CRISPLD2: variants seen among roughly 807,000 people sequenced by gnomAD.
CRISPLD2 encodes the protein cysteine rich secretory protein LCCL domain containing 2.
A neutral mutation model predicts 71.1 loss-of-function variants in CRISPLD2; 47 were observed. The observed-to-expected ratio is 0.66, with a 90% CI of 0.52 to 0.84. The LOEUF is 0.84. CRISPLD2 is among the 40% of genes least tolerant of loss of function. The probability of loss-of-function intolerance (pLI) is 0.00; values close to 1 mark genes in which losing one functional copy is unlikely to be tolerated. For synonymous variants in CRISPLD2, 317 were observed against 250.1 expected (o/e 1.27, Z -2.52); for missense variants, 830 against 651.1 (o/e 1.27, Z -2.99).
intron 6 of CRISPLD2, among the ~76,000 whole-genome samples, chr16:84,866,478 C>T (rs572689756): frequency 3.3e-5 from 5 of 152,270 alleles, no homozygotes; most frequent in African/African-American, 4.8e-5. Context: ...TCAGGTGATC[C>T]GCCCACCTCA....
At chr16:84,861,618 T>C (rs887915393) in intron 6 of CRISPLD2, among the ~76,000 whole-genome samples, 1 of 152,010 alleles carries the variant, frequency 6.6e-6, no homozygotes, top group Non-Finnish European at 1.5e-5. Flanking sequence ...CAAATGTTAA[T>C]CTCCTTTGGC....
Position 84,838,433 on chromosome 16 carries a change from C to T in CRISPLD2, c.-63C>T. ...CTGCTTCCTTTCAGAGCTCAAGCGCCCAGCTCTGCCCGAGGAGCCCAGGCT... is the reference window on the plus strand; with the variant it reads ...CTGCTTCCTTTCAGAGCTCAAGCGCTCAGCTCTGCCCGAGGAGCCCAGGCT... On this transcript the variant is annotated 5_prime_UTR_variant, in exon 2 of 15. Transcript: ENST00000262424. The T allele has an allele frequency of 6.4e-7, 1 of 1,572,748 alleles. No individual in the cohort carries two copies. The highest frequency in any genetic ancestry group is 1.2e-5 in the South Asian group (1 of 84,318).
At chr16:84,903,977 G>GAGCGAGGA (rs1239407821) in intron 14 of CRISPLD2, among the ~76,000 whole-genome samples, 8 of 152,230 alleles carry the variant, frequency 5.3e-5, no homozygotes, top group Non-Finnish European at 1.2e-4. Context: ...ATTTGAAGCA[G>GAGCGAGGA]AGCGAGGAAA....
chr16:84,880,810 A>G, intron 13 of CRISPLD2: 1 of 368,908 alleles, frequency 2.7e-6, no homozygotes, highest in Non-Finnish European at 5.0e-6. Flanking sequence ...GGTTCAAACG[A>G]TTCTTGTACC....
At chr16:84,846,154 C>T in intron 3 of CRISPLD2, 1 of 351,524 alleles carries the variant, frequency 2.8e-6, no homozygotes, top group Non-Finnish European at 5.0e-6. Context: ...GGTTTTCCTT[C>T]TTCCTTTCCT....
chr16:84,907,215 G>T lies in CRISPLD2; in HGVS notation c.*573G>T. ...GCTAGAGTAAGAGGGCTGCGGGTAT[G>T]AGAGACCCCGGCTCCGCCCTGGCAC... On this transcript the variant is annotated 3_prime_UTR_variant, in exon 15 of 15. Transcript: ENST00000262424. The T allele has an allele frequency of 6.0e-6, 1 of 165,624 alleles. No individual in the cohort carries two copies. Among genetic ancestry groups the T allele is most frequent in the Non-Finnish European group, 1.3e-5 (1 of 76,806 alleles). The allele number at this position is 165,624 out of a possible 1,614,324, so 10.3% of individuals were successfully genotyped here. A position where few individuals can be genotyped will look rare whatever the true frequency, so the allele number is the denominator to read the frequency against.
chr16:84,886,264 C>T (rs2071612352), intron 13 of CRISPLD2, among the ~76,000 whole-genome samples: 1 of 152,172 alleles, frequency 6.6e-6, no homozygotes, highest in Non-Finnish European at 1.5e-5. Flanking sequence ...TTGCTTGTCC[C>T]ATTTAAAGGG....
In CRISPLD2 at chr16:84,906,902, C is replaced by T; in HGVS notation, c.*260C>T. On this transcript the variant is annotated 3_prime_UTR_variant, in exon 15 of 15. Transcript: ENST00000262424. ...GGTCTCCATCTGGACGTCCTCTCTC[C>T]TTTAGAGATCTGAGCTGTCTCTTAA... 3.6e-6 allele frequency: 2 copies of T among 555,908 alleles called. No homozygotes were observed. The highest frequency in any genetic ancestry group is 6.4e-6 in the Non-Finnish European group (2 of 310,626). 34.4% of individuals were successfully genotyped at this position (555,908 alleles called of 1,614,324 possible).
At chr16:84,900,800 C>T (rs910359289) in intron 14 of CRISPLD2, among the ~76,000 whole-genome samples, 2 of 152,152 alleles carry the variant, frequency 1.3e-5, no homozygotes, top group African/African-American at 2.4e-5. Flanking sequence ...GCTTATAATC[C>T]GGGCACTTTG....
intron 6 of CRISPLD2, among the ~76,000 whole-genome samples, chr16:84,861,853 C>G (rs1208997913): frequency 3.3e-5 from 5 of 152,162 alleles, no homozygotes; most frequent in Non-Finnish European, 5.9e-5. Flanking sequence ...TCGCTTGAGT[C>G]CAGGAGTTTG....
intron 2 of CRISPLD2, among the ~76,000 whole-genome samples, chr16:84,842,903 G>A (rs1048749349): frequency 2.0e-5 from 3 of 152,242 alleles, no homozygotes; most frequent in Admixed American, 1.3e-4. Flanking sequence ...ACTGAGCTGC[G>A]ACCCCCAGGA....
chr16:84,891,342 C>A (rs896562102), intron 14 of CRISPLD2, among the ~76,000 whole-genome samples: 2 of 152,156 alleles, frequency 1.3e-5, no homozygotes, highest in Non-Finnish European at 2.9e-5. Flanking sequence ...GCGGGCTTGC[C>A]CTGTCTGTGA....
chr16:84,847,854 C>T (rs115329269), intron 3 of CRISPLD2, among the ~76,000 whole-genome samples: 1 of 152,108 alleles, frequency 6.6e-6, no homozygotes, highest in Admixed American at 6.5e-5. Context: ...CATACAATAT[C>T]AGGAAATTTT....
At chr16:84,881,017 A>T (rs1412296121) in intron 13 of CRISPLD2, among the ~76,000 whole-genome samples, 2 of 152,020 alleles carry the variant, frequency 1.3e-5, no homozygotes, top group Non-Finnish European at 2.9e-5. Context: ...CCTCTTAGCT[A>T]AGTTTAGACC....
chr16:84,837,415 C>CTTTT (rs770665907), intron 1 of CRISPLD2, among the ~76,000 whole-genome samples: 2 of 112,976 alleles, frequency 1.8e-5, no homozygotes, highest in South Asian at 3.2e-4. Context: ...CCATAGCTTG[C>CTTTT]TTTTTTTTTT....
chr16:84,843,926 T>C (rs1874015), intron 2 of CRISPLD2, among the ~76,000 whole-genome samples: 110,604 of 152,132 alleles, frequency 0.73, 40,314 homozygotes, highest in African/African-American at 0.77. Context: ...GAGAGGGAAG[T>C]GAGGCATGCG....
chr16:84,821,864 G>A (rs1238767066), intron 1 of CRISPLD2, among the ~76,000 whole-genome samples: 1 of 152,208 alleles, frequency 6.6e-6, no homozygotes, highest in Non-Finnish European at 1.5e-5. Context: ...CTCACTGCCT[G>A]CTCTATTAGC....
intron 2 of CRISPLD2, among the ~76,000 whole-genome samples, chr16:84,844,147 C>G (rs1916848609): frequency 6.6e-6 from 1 of 152,232 alleles, no homozygotes; most frequent in South Asian, 2.1e-4. Context: ...GCATCTGTTC[C>G]TCCACAGAGG....
chr16:84,884,740 C>T (rs765396235), intron 13 of CRISPLD2, among the ~76,000 whole-genome samples: 2 of 152,170 alleles, frequency 1.3e-5, no homozygotes, highest in African/African-American at 4.8e-5. Flanking sequence ...GTGAGCTTTT[C>T]GTACTGACGC....
Sources: gnomAD v4.1 joint callset for allele counts (sites outside exome capture counted in the v4.1 genomes callset) on GRCh38, gnomAD v4.1.1 for gene constraint, MANE v1.5 for transcripts, NCBI Gene and HGNC (gene_info 2026-07-23, HGNC 2026-07-21) for gene names.